The following SRBD1 variants were observed in gnomAD, a reference collection of about 807,000 sequenced individuals.
The protein encoded by SRBD1 is S1 RNA-binding domain-containing protein 1.
SRBD1 carries 88 observed loss-of-function variants against 115.3 expected under a neutral mutation model. The ratio of observed to expected loss-of-function variants is 0.76; its 90% CI spans 0.64 to 0.91. The LOEUF (loss-of-function observed/expected upper bound fraction) is 0.91. Ranked by LOEUF, SRBD1 falls within the 40% of genes least tolerant of loss-of-function variation. The pLI is 0.00. For missense variants in SRBD1, 1,385 were observed against 1,177.4 expected, an observed-to-expected ratio of 1.18 and a Z score of -2.58; for synonymous variants, 509 against 407.7, an observed-to-expected ratio of 1.25 and a Z score of -2.99.
intron 16 of SRBD1, among the ~76,000 whole-genome samples, chr2:45,469,119 A>C (rs1669575706): frequency 6.6e-6 from 1 of 152,030 alleles, no homozygotes; most frequent in South Asian, 2.1e-4. Flanking sequence ...TTTATAGTTT[A>C]TGTGTTGTAA....
chr2:45,579,429 A>G (rs953798453), intron 7 of SRBD1, among the ~76,000 whole-genome samples: 3 of 152,236 alleles, frequency 2.0e-5, no homozygotes, highest in Non-Finnish European at 4.4e-5. Flanking sequence ...AACAGACAAT[A>G]TAGGAGAATC....
intron 14 of SRBD1, among the ~76,000 whole-genome samples, chr2:45,508,340 G>A (rs376821377): frequency 7.9e-5 from 12 of 152,194 alleles, no homozygotes; most frequent in South Asian, 6.2e-4. Context: ...CTGATTTTCC[G>A]GTGCTGGAAA....
chr2:45,407,065 T>C (rs992394408), intron 19 of SRBD1, among the ~76,000 whole-genome samples: 3 of 152,170 alleles, frequency 2.0e-5, no homozygotes, highest in East Asian at 1.9e-4. Context: ...GTGAGATAGA[T>C]CTAGTTCAAA....
chr2:45,399,447 G>A (rs1045282737), intron 19 of SRBD1, among the ~76,000 whole-genome samples: 3 of 151,998 alleles, frequency 2.0e-5, no homozygotes, highest in African/African-American at 4.8e-5. Flanking sequence ...AAAGTGCGCA[G>A]TACAGATTAT....
intron 16 of SRBD1, among the ~76,000 whole-genome samples, chr2:45,455,487 G>C (rs1057253973): frequency 6.6e-6 from 1 of 151,784 alleles, no homozygotes; most frequent in Non-Finnish European, 1.5e-5. Context: ...TTAGGTCAGA[G>C]CAAAAACATA....
intron 14 of SRBD1, among the ~76,000 whole-genome samples, chr2:45,504,839 T>C (rs1670749772): frequency 6.6e-6 from 1 of 152,242 alleles, no homozygotes; most frequent in East Asian, 1.9e-4. Flanking sequence ...TACATATGTA[T>C]GACATATGAT....
chr2:45,504,585 A>AT (rs144880475), intron 14 of SRBD1, among the ~76,000 whole-genome samples: 1 of 152,340 alleles, frequency 6.6e-6, no homozygotes, highest in African/African-American at 2.4e-5. Context: ...ATGCAAAATA[A>AT]TAATAGTTTT....
At chr2:45,457,600 CAATT>C (rs1399883032) in intron 16 of SRBD1, among the ~76,000 whole-genome samples, 1 of 151,916 alleles carries the variant, frequency 6.6e-6, no homozygotes, top group African/African-American at 2.4e-5. Context: ...ATACTAACTG[CAATT>C]AAATAGTTTA....
intron 1 of SRBD1, among the ~76,000 whole-genome samples, chr2:45,606,546 G>A (rs1408400497): frequency 4.6e-5 from 7 of 152,106 alleles, no homozygotes; most frequent in Non-Finnish European, 5.9e-5. Flanking sequence ...TGAGTAAGCA[G>A]CCAGGTTATT....
intron 17 of SRBD1, 120 bp downstream of exon 17, chr2:45,419,668 A>G (rs1225625399): frequency 1.3e-6 from 1 of 752,276 alleles, no homozygotes; most frequent in Non-Finnish European, 2.3e-6. Flanking sequence ...CAATGTATAA[A>G]CCCATAGACG....
At chr2:45,512,545 A>G (rs1671001530) in intron 14 of SRBD1, among the ~76,000 whole-genome samples, 2 of 152,198 alleles carry the variant, frequency 1.3e-5, no homozygotes, top group South Asian at 4.1e-4. Context: ...CACCAAGGGC[A>G]AATATCGAAC....
At chr2:45,567,650 C>T (rs1020011307) in intron 9 of SRBD1, among the ~76,000 whole-genome samples, 6 of 151,238 alleles carry the variant, frequency 4.0e-5, no homozygotes, top group African/African-American at 1.5e-4. Flanking sequence ...ACAATATATT[C>T]AATAATACTG....
chr2:45,568,991 A>G (rs574726059), intron 9 of SRBD1, among the ~76,000 whole-genome samples: 33 of 152,222 alleles, frequency 2.2e-4, no homozygotes, highest in Non-Finnish European at 3.8e-4. Context: ...AAAATTGACA[A>G]TTTTAGATAT....
chr2:45,396,217 A>C (rs1302727489), intron 19 of SRBD1, among the ~76,000 whole-genome samples: 2 of 152,156 alleles, frequency 1.3e-5, no homozygotes, highest in Non-Finnish European at 2.9e-5. Context: ...CACAATATAT[A>C]TGTCTGTGTA....
intron 10 of SRBD1, among the ~76,000 whole-genome samples, chr2:45,560,520 T>A (rs986366856): frequency 2.0e-5 from 3 of 152,194 alleles, no homozygotes; most frequent in Non-Finnish European, 4.4e-5. Context: ...ATCATTTAAT[T>A]CTCTCAAATC....
At chr2:45,493,750 G>A (rs932785150) in intron 14 of SRBD1, among the ~76,000 whole-genome samples, 2 of 151,562 alleles carry the variant, frequency 1.3e-5, no homozygotes, top group African/African-American at 4.8e-5. Context: ...GGTGAAGGTT[G>A]TAGTGAGCCA....
At chr2:45,476,878 G>T in intron 16 of SRBD1, 115 bp downstream of exon 16, 1 of 915,172 alleles carries the variant, frequency 1.1e-6, no homozygotes. Context: ...TCCACAAACT[G>T]TATAACCTTG....
At chr2:45,581,008 ACT>A (rs1673345319) in intron 6 of SRBD1, among the ~76,000 whole-genome samples, 2 of 151,228 alleles carry the variant, frequency 1.3e-5, no homozygotes, top group Non-Finnish European at 3.0e-5. Context: ...TAATCCACTC[ACT>A]CTCCAACCCA....
At chr2:45,564,126 C>A (rs184951768) in intron 9 of SRBD1, among the ~76,000 whole-genome samples, 270 of 152,064 alleles carry the variant, frequency 1.8e-3, no homozygotes, top group Non-Finnish European at 2.6e-3. Flanking sequence ...CAGGAATGCC[C>A]GGTTGATTTA....
Sources: allele counts gnomAD v4.1 joint callset (sites outside exome capture counted in the v4.1 genomes callset), GRCh38; gene constraint gnomAD v4.1.1; transcripts MANE v1.5; gene names NCBI Gene and HGNC (gene_info 2026-07-23, HGNC 2026-07-21).